The following CFAP61 variants were observed in gnomAD, a reference collection of about 807,000 sequenced individuals.
The protein encoded by CFAP61 is cilia- and flagella-associated protein 61.
Under a neutral mutation model 135.6 loss-of-function variants are expected in CFAP61, and 107 were observed. The observed-to-expected ratio is 0.79, with a 90% CI of 0.67 to 0.93. CFAP61 has a LOEUF of 0.93. CFAP61 is among the 40% of genes least tolerant of loss of function. CFAP61 has a pLI of 0.00. For synonymous variants in CFAP61, 575 were observed against 578.5 expected, an observed-to-expected ratio of 0.99 and a Z score of 0.09; for missense variants, 1,507 against 1,556.2, an observed-to-expected ratio of 0.97 and a Z score of 0.53.
At chr20:20,256,400 C>CCA (rs35783358) in intron 20 of CFAP61, among the ~76,000 whole-genome samples, 29,033 of 148,550 alleles carry the variant, frequency 0.2, 3,057 homozygotes, top group Middle Eastern at 0.34. Context: ...AAAATTTAGG[C>CCA]CACACACACA....
chr20:20,210,325 T>C (rs558075983), intron 17 of CFAP61, among the ~76,000 whole-genome samples: 11 of 152,394 alleles, frequency 7.2e-5, no homozygotes, highest in Non-Finnish European at 1.3e-4. Flanking sequence ...GTGGGCTCGC[T>C]GTCCCCATGT....
chr20:20,126,435 G>A (rs781319405), intron 8 of CFAP61, among the ~76,000 whole-genome samples: 31 of 151,730 alleles, frequency 2.0e-4, no homozygotes, highest in Non-Finnish European at 3.4e-4. Context: ...CTCAGCATTC[G>A]TTTGTCTGAA....
intron 25 of CFAP61, among the ~76,000 whole-genome samples, chr20:20,310,870 C>T (rs780761144): frequency 6.6e-6 from 1 of 152,228 alleles, no homozygotes; most frequent in Non-Finnish European, 1.5e-5. Flanking sequence ...GCAGTGGAAG[C>T]ACCTCCTCAG....
chr20:20,093,221 C>G (rs1205100171), intron 7 of CFAP61, among the ~76,000 whole-genome samples: 1 of 151,988 alleles, frequency 6.6e-6, no homozygotes, highest in East Asian at 1.9e-4. Context: ...ATAAAGACCA[C>G]GTATTGTATG....
intron 17 of CFAP61, among the ~76,000 whole-genome samples, chr20:20,217,405 A>G (rs1569146030): frequency 1.3e-5 from 2 of 152,254 alleles, no homozygotes; most frequent in South Asian, 2.1e-4. Context: ...AGAGTCGCGC[A>G]TGTTAGCTTG....
intron 7 of CFAP61, 42 bp from the exon 8 acceptor site, chr20:20,098,607 CAAAAAA>C: frequency 2.4e-5 from 28 of 1,190,492 alleles, no homozygotes; most frequent in Middle Eastern, 6.2e-4. Context: ...GACTTTGTCT[CAAAAAA>C]AAAAAAAAAA....
intron 25 of CFAP61, among the ~76,000 whole-genome samples, chr20:20,300,121 C>T (rs990365782): frequency 1.3e-5 from 2 of 152,174 alleles, no homozygotes; most frequent in Non-Finnish European, 2.9e-5. Context: ...TGTGGTGATG[C>T]TGGGTCAACA....
At chr20:20,189,937 C>T (rs112863230) in intron 14 of CFAP61, among the ~76,000 whole-genome samples, 12 of 152,090 alleles carry the variant, frequency 7.9e-5, no homozygotes, top group Non-Finnish European at 1.8e-4. Flanking sequence ...TGGGATTACA[C>T]GTGCCTGCCT....
chr20:20,153,456 T>C (rs2146780964), intron 9 of CFAP61, among the ~76,000 whole-genome samples: 1 of 152,012 alleles, frequency 6.6e-6, no homozygotes, highest in African/African-American at 2.4e-5. Context: ...ATAAACAAAA[T>C]TGATAGACCA....
At chr20:20,124,412 C>A (rs6075619) in intron 8 of CFAP61, among the ~76,000 whole-genome samples, 1 of 151,722 alleles carries the variant, frequency 6.6e-6, no homozygotes, top group African/African-American at 2.4e-5. Flanking sequence ...AGGTATGTTC[C>A]TTGTATGCTG....
Position 20,271,408 on chromosome 20 carries a change from T to C in CFAP61, c.2504-5758T>C, listed in dbSNP as rs906481367. Among the ~76,000 whole-genome samples the C allele has an allele frequency of 4.6e-5, 7 of 152,252 alleles. No homozygotes were observed. In the South Asian group the frequency reaches 6.2e-4, roughly 14 times the overall value. The stretch of plus-strand genomic sequence containing the variant: ...GGGGAATTGACAGCTCACTCAGATA[T>C]TGACTGCATCATCACTTTCCGTCTC... On this transcript the variant is annotated intron_variant, in intron 21 of 26. Coordinates refer to ENST00000245957, the MANE Select transcript of CFAP61 (RefSeq NM_015585.4).
intron 8 of CFAP61, among the ~76,000 whole-genome samples, chr20:20,124,014 T>G (rs1399654808): frequency 1.2e-5 from 1 of 86,818 alleles, no homozygotes; most frequent in Admixed American, 1.4e-4. Context: ...ATAAAAGGGG[T>G]TGAGTTCTTA....
intron 9 of CFAP61, among the ~76,000 whole-genome samples, chr20:20,147,780 T>TG (rs2052020935): frequency 6.6e-6 from 1 of 152,156 alleles, no homozygotes; most frequent in Non-Finnish European, 1.5e-5. Context: ...TTTTGTTTTT[T>TG]TTTTTGCATT....
intron 21 of CFAP61, among the ~76,000 whole-genome samples, chr20:20,270,881 A>G (rs1447861822): frequency 6.6e-6 from 1 of 152,162 alleles, no homozygotes; most frequent in Non-Finnish European, 1.5e-5. Flanking sequence ...CATTTTGGTC[A>G]GGCTGGTTTC....
rs1232728642 is a variant in CFAP61, at chr20:20,164,087, C to T, written c.1064C>T (p.Ala355Val). The change falls in exon 11 of 27, where the codon GCA becomes GTA. Residue 355 changes from alanine to valine, a missense_variant. Coordinates refer to ENST00000245957, the MANE Select transcript of CFAP61 (RefSeq NM_015585.4). ...CTCAGTGACATCTCCACTGGATATG[C>T]ACAGTATCACCATGTCAGCAGTAGG... The part of the protein sequence containing the change: ...EKLSDISTGY[A>V]QYHHVSSRSL... 8 of 1,613,654 alleles carry T rather than the reference C, an allele frequency of 5.0e-6. No homozygotes were observed. Among genetic ancestry groups the T allele is most frequent in the Non-Finnish European group, 6.8e-6 (8 of 1,179,850 alleles).
intron 21 of CFAP61, among the ~76,000 whole-genome samples, chr20:20,264,152 G>A (rs551607352): frequency 2.3e-4 from 35 of 152,214 alleles, no homozygotes; most frequent in Admixed American, 1.2e-3. Flanking sequence ...CATTCAGTGC[G>A]TTGCTGGATT....
chr20:20,072,325 C>G (rs965789353), intron 3 of CFAP61, among the ~76,000 whole-genome samples: 1 of 151,804 alleles, frequency 6.6e-6, no homozygotes, highest in Non-Finnish European at 1.5e-5. Context: ...CTATGTTAGC[C>G]AGGATGGTCT....
rs568745817 is a variant in CFAP61 at position 20,131,687 on chromosome 20, T to G, written c.860-11170T>G. On this transcript the variant is annotated intron_variant, in intron 8 of 26. Coordinates refer to ENST00000245957, the MANE Select transcript of CFAP61 (RefSeq NM_015585.4). ...ATTCCTGGGCTTATTTGATGTTTTTTTAATATATATATATTTTAAGTAGAC... is the reference window on the plus strand; with the variant it reads ...ATTCCTGGGCTTATTTGATGTTTTTGTAATATATATATATTTTAAGTAGAC... Among the ~76,000 whole-genome samples the G allele has an allele frequency of 1.3e-4, 20 of 152,090 alleles. No individual in the cohort carries two copies. The South Asian group carries it at 4.1e-3, about 32-fold the overall frequency.
chr20:20,199,701 T>C (rs2056505650), intron 16 of CFAP61, 67 bp from the exon 17 acceptor site: 1 of 1,574,938 alleles, frequency 6.3e-7, no homozygotes, highest in Non-Finnish European at 8.7e-7. Flanking sequence ...TGTAAAGCTG[T>C]ACGCAGACAT....
Sources: allele counts gnomAD v4.1 joint callset (sites outside exome capture counted in the v4.1 genomes callset), GRCh38; gene constraint gnomAD v4.1.1; transcripts MANE v1.5; gene names NCBI Gene and HGNC (gene_info 2026-07-23, HGNC 2026-07-21).